The following SLC35D4 variants were observed in gnomAD, a reference collection of about 807,000 sequenced individuals.
SLC35D4 encodes the protein solute carrier family 35 member D4, also known as UDP-N-acetylglucosamine transporter SLC35D4.
chr18:23,379,180 G>C, the SLC35D4 span, among the ~76,000 whole-genome samples: 1 of 151,678 alleles, frequency 6.6e-6, no homozygotes, highest in Non-Finnish European at 1.5e-5. Flanking sequence ...ATGGAGTGCG[G>C]TGGCGTGATC....
chr18:23,257,395 A>G, the SLC35D4 span: 2 of 1,559,348 alleles, frequency 1.3e-6, no homozygotes, highest in Non-Finnish European at 8.6e-7. Context: ...GCCAAGGGCC[A>G]TTTCTTCTCA....
the SLC35D4 span, among the ~76,000 whole-genome samples, chr18:23,284,376 CT>C: frequency 1.3e-5 from 2 of 152,192 alleles, no homozygotes; most frequent in African/African-American, 4.8e-5. Flanking sequence ...CACAATTCCC[CT>C]TATCTTAATG....
At chr18:23,287,334 C>T in the SLC35D4 span, among the ~76,000 whole-genome samples, 13 of 152,260 alleles carry the variant, frequency 8.5e-5, no homozygotes, top group East Asian at 2.5e-3. Flanking sequence ...TTGCACCCTT[C>T]ATCCCAGCCT....
chr18:23,243,771 C>T, the SLC35D4 span, among the ~76,000 whole-genome samples: 39 of 150,754 alleles, frequency 2.6e-4, no homozygotes, highest in East Asian at 6.3e-3. Context: ...ACTCAGGAGG[C>T]TGAGGCAGGA....
the SLC35D4 span, among the ~76,000 whole-genome samples, chr18:23,340,599 G>A: frequency 6.6e-6 from 1 of 152,286 alleles, no homozygotes; most frequent in South Asian, 2.1e-4. Context: ...ACCAAATCAA[G>A]AGACTTATTC....
the SLC35D4 span, among the ~76,000 whole-genome samples, chr18:23,304,795 A>T: frequency 6.6e-6 from 1 of 151,948 alleles, no homozygotes; most frequent in Non-Finnish European, 1.5e-5. Flanking sequence ...TTCCCAGGTG[A>T]GAGGGGTCCA....
chr18:23,307,766 C>A, the SLC35D4 span, among the ~76,000 whole-genome samples: 3 of 152,186 alleles, frequency 2.0e-5, no homozygotes, highest in Non-Finnish European at 4.4e-5. Context: ...GCAGTGTGGC[C>A]TTTTCCAGGA....
the SLC35D4 span, among the ~76,000 whole-genome samples, chr18:23,251,770 T>C: frequency 6.6e-6 from 1 of 152,136 alleles, no homozygotes; most frequent in East Asian, 1.9e-4. Flanking sequence ...TGACACATGC[T>C]ACAATGAGAT....
chr18:23,300,621 G>A, the SLC35D4 span, among the ~76,000 whole-genome samples: 1 of 152,204 alleles, frequency 6.6e-6, no homozygotes, highest in South Asian at 2.1e-4. Flanking sequence ...GGAGAGCCAG[G>A]GAGGTGAGCT....
At chr18:23,411,915 T>G in the SLC35D4 span, among the ~76,000 whole-genome samples, 1 of 152,250 alleles carries the variant, frequency 6.6e-6, no homozygotes, top group African/African-American at 2.4e-5. Context: ...GAAAACAATT[T>G]GCAGTTTAGC....
At chr18:23,257,063 G>A in the SLC35D4 span, 7 of 718,822 alleles carry the variant, frequency 9.7e-6, no homozygotes, top group Non-Finnish European at 1.3e-5. Flanking sequence ...AGGACCGAAG[G>A]CAGGAAGCAC....
At chr18:23,404,819 C>G in the SLC35D4 span, among the ~76,000 whole-genome samples, 44,006 of 150,458 alleles carry the variant, frequency 0.29, 6,761 homozygotes, top group East Asian at 0.4. Flanking sequence ...AACCCCATCT[C>G]TACTAAAAAT....
chr18:23,430,784 A>G, the SLC35D4 span: 24 of 1,112,896 alleles, frequency 2.2e-5, no homozygotes, highest in East Asian at 4.7e-4. Flanking sequence ...AACCTAAGTA[A>G]ATTCAAGTTT....
the SLC35D4 span, among the ~76,000 whole-genome samples, chr18:23,430,065 C>T: frequency 6.6e-6 from 1 of 152,022 alleles, no homozygotes; most frequent in South Asian, 2.1e-4. Flanking sequence ...TGAGGACTTA[C>T]CATAAATTCT....
chr18:23,281,942 C>T, the SLC35D4 span, among the ~76,000 whole-genome samples: 4 of 152,342 alleles, frequency 2.6e-5, no homozygotes, highest in East Asian at 1.9e-4. Context: ...AATAAATGAA[C>T]GGCTGATTGT....
the SLC35D4 span, among the ~76,000 whole-genome samples, chr18:23,386,368 G>A: frequency 7.9e-4 from 121 of 152,238 alleles, 2 homozygotes; most frequent in East Asian, 0.018. Context: ...TGTGACCACA[G>A]AGGCAGAGAC....
the SLC35D4 span, among the ~76,000 whole-genome samples, chr18:23,275,547 GA>G: frequency 6.6e-6 from 1 of 152,174 alleles, no homozygotes; most frequent in African/African-American, 2.4e-5. Context: ...CAGGTAAATG[GA>G]GCGGGACAGG....
chr18:23,382,464 G>A, the SLC35D4 span, among the ~76,000 whole-genome samples: 1 of 151,840 alleles, frequency 6.6e-6, no homozygotes, highest in Non-Finnish European at 1.5e-5. Flanking sequence ...GAAGACTCAG[G>A]GAAGCAGGCC....
the SLC35D4 span, among the ~76,000 whole-genome samples, chr18:23,269,470 T>C: frequency 6.6e-6 from 1 of 152,254 alleles, no homozygotes; most frequent in Non-Finnish European, 1.5e-5. Flanking sequence ...CTCTTGGGCA[T>C]GTCTTTATTA....
Sources: gnomAD v4.1 joint callset for allele counts (sites outside exome capture counted in the v4.1 genomes callset) on GRCh38, gnomAD v4.1.1 for gene constraint, MANE v1.5 for transcripts, NCBI Gene and HGNC (gene_info 2026-07-23, HGNC 2026-07-21) for gene names.